The following RANBP2 variants were observed in gnomAD, a reference collection of about 807,000 sequenced individuals.
RANBP2 encodes E3 SUMO-protein ligase RanBP2.
Under a neutral mutation model 303.6 loss-of-function variants are expected in RANBP2, and 57 were observed. That is an observed-to-expected ratio of 0.19 (90% CI 0.15 to 0.23). RANBP2 has a LOEUF of 0.23. RANBP2 is among the 10% of genes least tolerant of loss of function. The pLI is 1.00. For synonymous variants in RANBP2, 1,167 were observed against 1,301.5 expected (o/e 0.90, Z 2.23); for missense variants, 3,138 against 3,780.8 (o/e 0.83, Z 4.46).
chr2:109,202,195 T>C, the RANBP2 span, among the ~76,000 whole-genome samples: 1 of 152,124 alleles, frequency 6.6e-6, no homozygotes, highest in Admixed American at 6.5e-5. Context: ...TTCTCTTCCC[T>C]CCCTTGTTTC....
At chr2:109,540,459 G>A in the RANBP2 span, among the ~76,000 whole-genome samples, 1 of 152,206 alleles carries the variant, frequency 6.6e-6, no homozygotes, top group Admixed American at 6.5e-5. Context: ...ATGTATAGTT[G>A]AGAACTGCTA....
the RANBP2 span, among the ~76,000 whole-genome samples, chr2:108,964,833 C>T: frequency 6.6e-6 from 1 of 152,142 alleles, no homozygotes; most frequent in African/African-American, 2.4e-5. Flanking sequence ...GAGCCACAGA[C>T]CCCAAATGTT....
At chr2:109,544,092 T>G in the RANBP2 span, 2 of 1,452,932 alleles carry the variant, frequency 1.4e-6, no homozygotes, top group African/African-American at 2.8e-5. Flanking sequence ...GATTTCAGAT[T>G]TTTGAATTAG....
the RANBP2 span, among the ~76,000 whole-genome samples, chr2:109,148,328 A>G: frequency 1.3e-5 from 2 of 152,244 alleles, no homozygotes; most frequent in Non-Finnish European, 2.9e-5. Context: ...CAGCCAGCCC[A>G]GGCCAGAGCG....
the RANBP2 span, among the ~76,000 whole-genome samples, chr2:109,316,123 A>G: frequency 6.6e-6 from 1 of 152,200 alleles, no homozygotes; most frequent in Admixed American, 6.5e-5. Context: ...AAAGCTTTCA[A>G]AAAGAGAGGG....
chr2:109,734,883 CAT>C, the RANBP2 span, among the ~76,000 whole-genome samples: 1 of 152,116 alleles, frequency 6.6e-6, no homozygotes, highest in Admixed American at 6.6e-5. Context: ...TTAATTGTCA[CAT>C]AATGATTGCA....
At chr2:109,587,445 G>A in the RANBP2 span, among the ~76,000 whole-genome samples, 3 of 152,158 alleles carry the variant, frequency 2.0e-5, no homozygotes, top group African/African-American at 7.2e-5. Flanking sequence ...GAGAGAAGGT[G>A]AAAGTGGGGG....
chr2:109,435,775 A>G, the RANBP2 span, among the ~76,000 whole-genome samples: 3 of 152,222 alleles, frequency 2.0e-5, no homozygotes, highest in Non-Finnish European at 4.4e-5. Flanking sequence ...TTTAGTTTTT[A>G]AAAATGATTT....
At chr2:109,016,926 C>G in the RANBP2 span, among the ~76,000 whole-genome samples, 1 of 152,168 alleles carries the variant, frequency 6.6e-6, no homozygotes, top group Non-Finnish European at 1.5e-5. Context: ...TCCCACTGCC[C>G]CCTATGGAAA....
chr2:109,238,004 A>G, the RANBP2 span, among the ~76,000 whole-genome samples: 22 of 152,316 alleles, frequency 1.4e-4, no homozygotes, highest in African/African-American at 5.1e-4. Context: ...TCAGGAGTTC[A>G]AAATCAGCCT....
At chr2:108,789,126 A>G (rs1212526530), downstream of RANBP2, among the ~76,000 whole-genome samples, 1 of 152,260 alleles carries the variant, frequency 6.6e-6, no homozygotes, top group Non-Finnish European at 1.5e-5. Flanking sequence ...CGAGTCACTT[A>G]TTAATTTTTA....
the RANBP2 span, among the ~76,000 whole-genome samples, chr2:109,237,081 GAAAT>G: frequency 6.6e-6 from 1 of 152,136 alleles, no homozygotes; most frequent in Non-Finnish European, 1.5e-5. Context: ...GTTAAAATAA[GAAAT>G]AAACAAGAAT....
chr2:109,080,634 C>A, the RANBP2 span, among the ~76,000 whole-genome samples: 2 of 152,244 alleles, frequency 1.3e-5, no homozygotes, highest in Admixed American at 6.5e-5. Context: ...AGTGACCAAC[C>A]TTTCAAGAAC....
At chr2:109,470,165 C>T in the RANBP2 span, among the ~76,000 whole-genome samples, 1 of 152,092 alleles carries the variant, frequency 6.6e-6, no homozygotes, top group South Asian at 2.1e-4. Context: ...CTGGGGTGGC[C>T]CTGTCTCCTC....
At chr2:108,956,800 T>C in the RANBP2 span, among the ~76,000 whole-genome samples, 1 of 152,204 alleles carries the variant, frequency 6.6e-6, no homozygotes. Flanking sequence ...TTTTTTGTTT[T>C]TTTTGAGACA....
the RANBP2 span, among the ~76,000 whole-genome samples, chr2:109,601,930 T>C: frequency 5.3e-5 from 8 of 152,190 alleles, no homozygotes; most frequent in African/African-American, 1.7e-4. Flanking sequence ...CAGCAAAGTA[T>C]ATTCAGTCCG....
the RANBP2 span, among the ~76,000 whole-genome samples, chr2:109,025,929 C>G: frequency 6.6e-6 from 1 of 152,080 alleles, no homozygotes; most frequent in African/African-American, 2.4e-5. Context: ...CCCATTTGGC[C>G]TGGGACAGTC....
At chr2:108,865,419 CTCTT>C in the RANBP2 span, among the ~76,000 whole-genome samples, 1 of 152,160 alleles carries the variant, frequency 6.6e-6, no homozygotes, top group Non-Finnish European at 1.5e-5. Flanking sequence ...AGAGATTCAT[CTCTT>C]TGTCTTTTGG....
At chr2:109,523,563 C>CCACACACCTTTCAACCATAACTCATT in the RANBP2 span, among the ~76,000 whole-genome samples, 257 of 152,152 alleles carry the variant, frequency 1.7e-3, 1 homozygote, top group African/African-American at 6.0e-3. Flanking sequence ...CCTGCTCCAG[C>CCACACACCTTTCAACCATAACTCATT]CACACACCTT....
Sources: allele counts gnomAD v4.1 joint callset (sites outside exome capture counted in the v4.1 genomes callset), GRCh38; gene constraint gnomAD v4.1.1; transcripts MANE v1.5; gene names NCBI Gene and HGNC (gene_info 2026-07-23, HGNC 2026-07-21).